The following HERPUD2 variants were observed in gnomAD, a reference collection of about 807,000 sequenced individuals.
HERPUD2 encodes the protein homocysteine-responsive endoplasmic reticulum-resident ubiquitin-like domain member 2 protein.
Under a neutral mutation model 49.9 loss-of-function variants are expected in HERPUD2, and 13 were observed. The observed-to-expected ratio is 0.26, with a 90% CI of 0.17 to 0.41. The LOEUF (loss-of-function observed/expected upper bound fraction) is 0.41, where lower values mean the gene tolerates loss of function less well. Among genes scored for constraint, HERPUD2 ranks in the 10% least tolerant of loss-of-function variants. The pLI, the probability that HERPUD2 is intolerant of heterozygous loss-of-function variation, is 1.00. For synonymous variants in HERPUD2, 172 were observed against 171.4 expected, an observed-to-expected ratio of 1.00 and a Z score of -0.03; for missense variants, 449 against 492.2, an observed-to-expected ratio of 0.91 and a Z score of 0.83.
chr7:35,684,149 G>A (rs1454806660), intron 2 of HERPUD2, among the ~76,000 whole-genome samples: 1 of 152,192 alleles, frequency 6.6e-6, no homozygotes, highest in Admixed American at 6.5e-5. Context: ...CACTTTGGGA[G>A]GCCGAGGCGG....
chr7:35,645,333 G>T (rs1785032625), intron 5 of HERPUD2, among the ~76,000 whole-genome samples: 3 of 152,158 alleles, frequency 2.0e-5, no homozygotes, highest in African/African-American at 7.2e-5. Context: ...TATAGTCATA[G>T]ATACTCGGGA....
chr7:35,664,306 T>C (rs1041776788), intron 5 of HERPUD2, among the ~76,000 whole-genome samples: 3 of 152,210 alleles, frequency 2.0e-5, no homozygotes, highest in African/African-American at 7.2e-5. Context: ...GACCTTTCTC[T>C]CTGGCTGCCC....
intron 5 of HERPUD2, among the ~76,000 whole-genome samples, chr7:35,657,032 AAGCAT>A (rs1785290552): frequency 6.6e-6 from 1 of 151,746 alleles, no homozygotes; most frequent in African/African-American, 2.4e-5. Flanking sequence ...TTAAACTAAA[AAGCAT>A]AGCAAATGAA....
Position 35,670,242 on chromosome 7 carries a change from A to G in HERPUD2, c.312T>C (p.His104=). ...AATTGCTGCTGGATGCCAATGCTTC[A>G]TGACTTTCTCTATTGGTGCTGGATT... The part of the protein sequence containing the change: ...SPKSSTNRES[H]EALASSSNSS... Residue 104 remains histidine, a synonymous_variant, in exon 4 of 9, where the codon CAT becomes CAC. Coordinates refer to ENST00000311350, the MANE Select transcript of HERPUD2 (RefSeq NM_022373.5). 6.3e-7 allele frequency: 1 copy of G among 1,582,254 alleles called. No individual in the cohort carries two copies. Among genetic ancestry groups the G allele is most frequent in the Non-Finnish European group, 8.6e-7 (1 of 1,159,932 alleles).
chr7:35,684,683 G>A (rs1785992465), intron 2 of HERPUD2, among the ~76,000 whole-genome samples: 4 of 152,196 alleles, frequency 2.6e-5, no homozygotes, highest in Admixed American at 2.6e-4. Context: ...TCATAAATGG[G>A]AGTTAAAGCT....
intron 5 of HERPUD2, among the ~76,000 whole-genome samples, chr7:35,659,198 GT>G (rs1785354859): frequency 6.6e-6 from 1 of 152,170 alleles, no homozygotes; most frequent in South Asian, 2.1e-4. Flanking sequence ...CTAAGACTAT[GT>G]TAAATAAAAT....
At chr7:35,647,098 T>C (rs1223392238) in intron 5 of HERPUD2, among the ~76,000 whole-genome samples, 1 of 152,212 alleles carries the variant, frequency 6.6e-6, no homozygotes, top group East Asian at 1.9e-4. Context: ...TTAAAGGAAC[T>C]GGAAACTTCA....
intron 5 of HERPUD2, among the ~76,000 whole-genome samples, chr7:35,655,232 A>G (rs1785251493): frequency 6.6e-6 from 1 of 152,222 alleles, no homozygotes; most frequent in East Asian, 1.9e-4. Context: ...GAATTCTACA[A>G]GGCATTAACC....
intron 4 of HERPUD2, among the ~76,000 whole-genome samples, chr7:35,668,363 TAAAC>T (rs906822717): frequency 2.2e-4 from 34 of 152,318 alleles, no homozygotes; most frequent in African/African-American, 7.7e-4. Context: ...TCAGTAACCA[TAAAC>T]AATATAACTC....
chr7:35,647,435 T>C (rs1251936577), intron 5 of HERPUD2, among the ~76,000 whole-genome samples: 3 of 152,176 alleles, frequency 2.0e-5, no homozygotes, highest in Non-Finnish European at 4.4e-5. Flanking sequence ...AAGTACAGAA[T>C]TCATTTTCCT....
At chr7:35,668,045 T>C (rs1400949655) in intron 4 of HERPUD2, among the ~76,000 whole-genome samples, 1 of 148,994 alleles carries the variant, frequency 6.7e-6, no homozygotes, top group African/African-American at 2.5e-5. Context: ...TGTTAACATA[T>C]TGATTTAAAG....
intron 2 of HERPUD2, among the ~76,000 whole-genome samples, chr7:35,676,159 C>T (rs1464884143): frequency 6.6e-6 from 1 of 152,136 alleles, no homozygotes; most frequent in African/African-American, 2.4e-5. Flanking sequence ...GACTGTTATG[C>T]CTCTTTTAAT....
Position 35,667,559 on chromosome 7 carries a change from T to C in HERPUD2, c.369A>G (p.Pro123=), listed in dbSNP as rs749532328. The C allele has an allele frequency of 1.3e-5, 21 of 1,613,600 alleles. No individual in the cohort carries two copies. In the South Asian group the frequency reaches 1.9e-4, roughly 14 times the overall value. ...SSSDHSGSTT[P]SSGQETLSLA... ...AAGACAAGGTTTCTTGACCAGATGA[T>C]GGAGTTGTTGATCCTGAATGATCTG... is the stretch of plus-strand genomic sequence containing the variant. The change falls in exon 5 of 9, where the codon CCA becomes CCG. Residue 123 remains proline (P), a synonymous_variant. Transcript: ENST00000311350.
chr7:35,651,193 C>T (rs1785159177), intron 5 of HERPUD2, among the ~76,000 whole-genome samples: 1 of 152,182 alleles, frequency 6.6e-6, no homozygotes, highest in South Asian at 2.1e-4. Flanking sequence ...TATCCACTGC[C>T]TAGGGGCCCG....
At chr7:35,659,532 CACTA>C (rs1397955787) in intron 5 of HERPUD2, among the ~76,000 whole-genome samples, 1 of 152,106 alleles carries the variant, frequency 6.6e-6, no homozygotes, top group Non-Finnish European at 1.5e-5. Context: ...ACTTTATGGA[CACTA>C]ACTCTTTTAA....
chr7:35,638,357 T>C lies in HERPUD2; in HGVS notation c.610A>G (p.Met204Val), dbSNP rs1784905295. 1 of 1,609,194 alleles carries C rather than the reference T, an allele frequency of 6.2e-7. No individual in the cohort carries two copies. The highest frequency in any genetic ancestry group is 8.5e-7 in the Non-Finnish European group (1 of 1,176,684). ...GAACTCAGATTAACTTACTACTGCATATAATACTGATGAGCATACATCTGT... is the reference window on the plus strand; with the variant it reads ...GAACTCAGATTAACTTACTACTGCACATAATACTGATGAGCATACATCTGT... Reference protein sequence around the residue: ...WQQMYAHQYYMQYQAAVSAQA... With the variant: ...WQQMYAHQYYVQYQAAVSAQA... Residue 204 changes from methionine to valine, a missense_variant, in exon 6 of 9, where the codon ATG (methionine) becomes GTG (valine). Transcript: ENST00000311350.
At chr7:35,641,896 C>G (rs987307427) in intron 5 of HERPUD2, among the ~76,000 whole-genome samples, 8 of 152,044 alleles carry the variant, frequency 5.3e-5, no homozygotes, top group African/African-American at 1.9e-4. Flanking sequence ...ATTCTGGACA[C>G]AGGAATGGGG....
rs769879270 is a variant in HERPUD2, at chr7:35,638,391, T to C, written c.576A>G (p.Leu192=). The C allele has an allele frequency of 5.6e-6, 9 of 1,613,460 alleles. No homozygotes were observed. The highest frequency in any genetic ancestry group is 3.3e-5 in the Admixed American group (2 of 60,002). The part of the protein sequence containing the change: ...VYPAFSPLQM[L]WWQQMYAHQY... Reference sequence around the variant, plus strand: ...GATGAGCATACATCTGTTGCCACCATAGCATCTGCAGTGGGCTAAACGCGG... The same window carrying C: ...GATGAGCATACATCTGTTGCCACCACAGCATCTGCAGTGGGCTAAACGCGG... The change falls in exon 6 of 9, where the codon CTA becomes CTG. Residue 192 remains leucine (L), a synonymous_variant. Coordinates refer to ENST00000311350, the MANE Select transcript of HERPUD2 (RefSeq NM_022373.5).
chr7:35,670,143 T>C, intron 4 of HERPUD2, 72 bp downstream of exon 4: 1 of 661,224 alleles, frequency 1.5e-6, no homozygotes, highest in Non-Finnish European at 2.5e-6. Flanking sequence ...ATTTAGTTTT[T>C]AGAGGCAAAA....
Sources: allele counts gnomAD v4.1 joint callset (sites outside exome capture counted in the v4.1 genomes callset), GRCh38; gene constraint gnomAD v4.1.1; transcripts MANE v1.5; gene names NCBI Gene and HGNC (gene_info 2026-07-23, HGNC 2026-07-21).